SAMD5: variants seen among roughly 807,000 people sequenced by gnomAD.
SAMD5 encodes the protein sterile alpha motif domain-containing protein 5.
Under a neutral mutation model 11.3 loss-of-function variants are expected in SAMD5, and 13 were observed. That is an observed-to-expected ratio of 1.15 (90% CI 0.75 to 1.83). The LOEUF (loss-of-function observed/expected upper bound fraction) is 1.83. Ranked by LOEUF, SAMD5 falls within the 40% of genes most tolerant of loss-of-function variation. The probability of loss-of-function intolerance (pLI) is 0.00; values close to 1 mark genes in which losing one functional copy is unlikely to be tolerated. For missense variants in SAMD5, 255 were observed against 239.1 expected (o/e 1.07, Z -0.44); for synonymous variants, 129 against 111.3 (o/e 1.16, Z -1.00).
In SAMD5 at chr6:147,567,852, G is replaced by T. The variant is rs1789067836; in HGVS notation, c.*3396G>T. ...GGAGTTCAGTAAATGTTTATTGATT[G>T]AATGAAAAGAATTTGATTTAAGGAA... On this transcript the variant is annotated 3_prime_UTR_variant, in exon 2 of 2. Transcript: ENST00000367474. 3 of 985,182 alleles carry T rather than the reference G, an allele frequency of 3.0e-6. No individual in the cohort carries two copies. The African/African-American group carries it at 5.2e-5, about 17-fold the overall frequency. The allele number at this position is 985,182 out of a possible 1,614,324, so 61.0% of individuals were successfully genotyped here. A position where few individuals can be genotyped will look rare whatever the true frequency, so the allele number is the denominator to read the frequency against.
downstream of SAMD5, among the ~76,000 whole-genome samples, chr6:147,573,644 G>A (rs947873265): frequency 2.9e-4 from 44 of 152,140 alleles, no homozygotes; most frequent in Admixed American, 2.7e-3. Flanking sequence ...GTTACTAATA[G>A]CCCCATCAGA....
chr6:147,620,241 A>G (rs113211448), intron 1 of SAMD5, among the ~76,000 whole-genome samples: 4 of 152,202 alleles, frequency 2.6e-5, no homozygotes, highest in African/African-American at 9.6e-5. Flanking sequence ...TGGCCTGCAC[A>G]GCGCCCTTGC....
the SAMD5 span, among the ~76,000 whole-genome samples, chr6:147,901,753 G>A: frequency 6.6e-6 from 1 of 152,144 alleles, no homozygotes. Context: ...GCACTAGGAG[G>A]CAGTGCTAAG....
At chr6:147,517,161 A>C (rs1163309951) in intron 1 of SAMD5, among the ~76,000 whole-genome samples, 1 of 152,196 alleles carries the variant, frequency 6.6e-6, no homozygotes, top group Non-Finnish European at 1.5e-5. Flanking sequence ...TAATGTCATC[A>C]ATGTAATGGA....
At chr6:147,928,019 C>G in the SAMD5 span, among the ~76,000 whole-genome samples, 1 of 152,186 alleles carries the variant, frequency 6.6e-6, no homozygotes, top group Admixed American at 6.5e-5. Context: ...ATGAAGCCTA[C>G]TTGATCGTGG....
At chr6:147,579,159 T>C (rs1450481591) in intron 1 of SAMD5, among the ~76,000 whole-genome samples, 1 of 152,248 alleles carries the variant, frequency 6.6e-6, no homozygotes, top group African/African-American at 2.4e-5. Flanking sequence ...AATAAAGGAT[T>C]TACCATAAGT....
At chr6:147,821,008 C>G in the SAMD5 span, among the ~76,000 whole-genome samples, 5 of 152,140 alleles carry the variant, frequency 3.3e-5, no homozygotes, top group Admixed American at 1.3e-4. Context: ...TATTAAAGTT[C>G]TAGTTATCAG....
At chr6:147,523,272 T>C (rs1788282141) in intron 1 of SAMD5, among the ~76,000 whole-genome samples, 3 of 152,196 alleles carry the variant, frequency 2.0e-5, no homozygotes, top group African/African-American at 4.8e-5. Flanking sequence ...AAAGGTAAAA[T>C]TGAAAATTCT....
chr6:147,594,119 A>T (rs192331015), intron 1 of SAMD5, among the ~76,000 whole-genome samples: 2 of 152,270 alleles, frequency 1.3e-5, no homozygotes, highest in Non-Finnish European at 2.9e-5. Flanking sequence ...ACAGAGTGAG[A>T]CTTGGTCTCA....
chr6:147,601,495 T>C (rs368755808), intron 1 of SAMD5, among the ~76,000 whole-genome samples: 6 of 151,932 alleles, frequency 3.9e-5, no homozygotes, highest in African/African-American at 1.5e-4. Flanking sequence ...AAAAAAAAAT[T>C]GTACACGTCA....
At chr6:147,829,137 T>C in the SAMD5 span, among the ~76,000 whole-genome samples, 1 of 152,236 alleles carries the variant, frequency 6.6e-6, no homozygotes, top group Admixed American at 6.5e-5. Flanking sequence ...ATGGAAGTCC[T>C]GTTTAACATA....
chr6:147,925,258 A>G, the SAMD5 span, among the ~76,000 whole-genome samples: 1 of 152,192 alleles, frequency 6.6e-6, no homozygotes, highest in Non-Finnish European at 1.5e-5. Flanking sequence ...TCACCATGTG[A>G]GGATACAGCA....
the SAMD5 span, among the ~76,000 whole-genome samples, chr6:147,802,090 A>G: frequency 6.6e-6 from 1 of 152,232 alleles, no homozygotes; most frequent in Non-Finnish European, 1.5e-5. Context: ...TGTCCTGTTC[A>G]TTAGCAGACA....
At position 147,679,528 on chromosome 6, in the gene SAMD5, CA is replaced by C. The variant is rs558800160; in HGVS notation, c.163-57787del. On this transcript the variant is annotated intron_variant, in intron 1 of 1. Transcript: ENST00000566741. Reference sequence around the variant, plus strand: ...ATATTATTGAGTTTTGAGAATTCCACAATGAATTTATGTATTCTAGATTAAA... The same window carrying C: ...ATATTATTGAGTTTTGAGAATTCCACATGAATTTATGTATTCTAGATTAAA... 1.5e-4 allele frequency among the ~76,000 whole-genome samples: 23 copies of C among 152,162 alleles called. No homozygotes were observed. The South Asian group carries it at 4.6e-3, about 30-fold the overall frequency.
chr6:147,646,997 A>T (rs1207779884), intron 1 of SAMD5, among the ~76,000 whole-genome samples: 1 of 148,128 alleles, frequency 6.8e-6, no homozygotes, highest in Non-Finnish European at 1.5e-5. Context: ...TAATAATAAT[A>T]ATAATAATAA....
At chr6:147,579,816 A>G (rs1396730394) in intron 1 of SAMD5, among the ~76,000 whole-genome samples, 3 of 152,116 alleles carry the variant, frequency 2.0e-5, no homozygotes, top group East Asian at 3.9e-4. Context: ...TAGGCTGGGT[A>G]TTTTCCAACT....
At chr6:147,753,149 G>A in the SAMD5 span, among the ~76,000 whole-genome samples, 4,252 of 152,180 alleles carry the variant, frequency 0.028, 162 homozygotes, top group African/African-American at 0.085. Flanking sequence ...TGTTGATTCC[G>A]ACATTCAGAA....
At chr6:147,950,950 C>A in the SAMD5 span, among the ~76,000 whole-genome samples, 24 of 151,502 alleles carry the variant, frequency 1.6e-4, no homozygotes, top group Non-Finnish European at 2.8e-4. Context: ...GCTTTCTTTA[C>A]CTCATATTCT....
the SAMD5 span, among the ~76,000 whole-genome samples, chr6:147,870,672 T>C: frequency 2.7e-5 from 4 of 147,716 alleles, no homozygotes; most frequent in African/African-American, 1.0e-4. Context: ...GCAATTCAGA[T>C]GAGGGAAGAA....
Sources: gnomAD v4.1 joint callset for allele counts (sites outside exome capture counted in the v4.1 genomes callset) on GRCh38, gnomAD v4.1.1 for gene constraint, MANE v1.5 for transcripts, NCBI Gene and HGNC (gene_info 2026-07-23, HGNC 2026-07-21) for gene names.